The following PRKD1 variants were observed in gnomAD, a reference collection of about 807,000 sequenced individuals.
The protein encoded by PRKD1 is serine/threonine-protein kinase D1.
Under a neutral mutation model 95.9 loss-of-function variants are expected in PRKD1, and 63 were observed. The ratio of observed to expected loss-of-function variants is 0.66; its 90% confidence interval spans 0.54 to 0.81. The LOEUF (loss-of-function observed/expected upper bound fraction) is 0.81. Among genes scored for constraint, PRKD1 ranks in the 30% least tolerant of loss-of-function variants. The probability of loss-of-function intolerance (pLI) is 0.00; values close to 1 mark genes in which losing one functional copy is unlikely to be tolerated. For synonymous variants in PRKD1, 425 were observed against 423.1 expected (o/e 1.00, Z -0.05); for missense variants, 1,048 against 1,165.3 (o/e 0.90, Z 1.47).
rs184306105 is a variant in PRKD1, at chr14:29,777,798, T to C, written c.265-52124A>G. Reference sequence around the variant, plus strand: ...TCAGCTCTGCACCAAGCAGACATAATAGACATCTACAGAACTCTCCACCCC... The same window carrying C: ...TCAGCTCTGCACCAAGCAGACATAACAGACATCTACAGAACTCTCCACCCC... On this transcript the variant is annotated intron_variant, in intron 1 of 17. Transcript: ENST00000331968. Among the ~76,000 whole-genome samples, 34 of 152,226 alleles carry C rather than the reference T, an allele frequency of 2.2e-4. No individual in the cohort carries two copies. The East Asian group carries it at 6.0e-3, about 27-fold the overall frequency.
In PRKD1 at chr14:29,630,888, T is replaced by C. The variant is rs1344627350; in HGVS notation, c.1526A>G (p.Asn509Ser). 1.9e-6 allele frequency: 3 copies of C among 1,614,108 alleles called. No homozygotes were observed. Among genetic ancestry groups the C allele is most frequent in the South Asian group, 2.2e-5 (2 of 91,074 alleles). ...GTTATTTGGTGATGGGCTGGAAGGATTGACCACATTTTCTCCCACATAATA... is the reference window on the plus strand; with the variant it reads ...GTTATTTGGTGATGGGCTGGAAGGACTGACCACATTTTCTCCCACATAATA... The part of the protein sequence containing the change: ...VVYYVGENVV[N>S]PSSPSPNNSV... Residue 509 changes from asparagine (N) to serine (S), a missense_variant, in exon 10 of 18, where the codon AAT becomes AGT. Asn to Ser is a conservative substitution (Grantham distance 46). Coordinates refer to ENST00000331968, the MANE Select transcript of PRKD1 (RefSeq NM_002742.3).
intron 16 of PRKD1, among the ~76,000 whole-genome samples, chr14:29,587,156 A>G (rs1008701613): frequency 6.6e-6 from 1 of 152,178 alleles, no homozygotes; most frequent in African/African-American, 2.4e-5. Flanking sequence ...ATCAGTGTGT[A>G]TAAATACATG....
At chr14:29,596,476 T>C (rs1893308944) in intron 16 of PRKD1, among the ~76,000 whole-genome samples, 1 of 152,144 alleles carries the variant, frequency 6.6e-6, no homozygotes, top group South Asian at 2.1e-4. Context: ...TTTTTTGAGA[T>C]GGAGTCTTAC....
At chr14:29,793,974 T>A (rs1320144586) in intron 1 of PRKD1, among the ~76,000 whole-genome samples, 1 of 152,060 alleles carries the variant, frequency 6.6e-6, no homozygotes, top group Non-Finnish European at 1.5e-5. Flanking sequence ...CACAAGCAGA[T>A]CTTTACTGTG....
chr14:29,822,223 A>G (rs1408581769), intron 1 of PRKD1, among the ~76,000 whole-genome samples: 3 of 152,180 alleles, frequency 2.0e-5, no homozygotes, highest in Non-Finnish European at 4.4e-5. Flanking sequence ...TTCATTACAC[A>G]TGAGCTATAG....
chr14:29,863,152 T>C (rs1374781345), intron 1 of PRKD1, among the ~76,000 whole-genome samples: 2 of 152,198 alleles, frequency 1.3e-5, no homozygotes, highest in Non-Finnish European at 1.5e-5. Flanking sequence ...TAAGTAAAAC[T>C]GGCAGAAAAG....
chr14:29,875,768 T>C (rs1893265556), intron 1 of PRKD1, among the ~76,000 whole-genome samples: 1 of 152,230 alleles, frequency 6.6e-6, no homozygotes, highest in Non-Finnish European at 1.5e-5. Flanking sequence ...TTTCTTTGCT[T>C]ATCTGTAAAA....
intron 1 of PRKD1, among the ~76,000 whole-genome samples, chr14:29,788,373 A>C (rs1028623268): frequency 4.6e-5 from 7 of 152,238 alleles, no homozygotes; most frequent in South Asian, 4.1e-4. Flanking sequence ...CTTTTGACCG[A>C]TTAACTATAA....
chr14:29,854,063 A>T (rs1396577754), intron 1 of PRKD1, among the ~76,000 whole-genome samples: 2 of 152,252 alleles, frequency 1.3e-5, no homozygotes, highest in South Asian at 4.1e-4. Flanking sequence ...AGACTAATAC[A>T]GTAAATTGGT....
chr14:29,914,833 C>T (rs1219729279), intron 1 of PRKD1, among the ~76,000 whole-genome samples: 1 of 151,028 alleles, frequency 6.6e-6, no homozygotes, highest in Non-Finnish European at 1.5e-5. Context: ...AGTGCAGTGG[C>T]GTGATCTCGG....
chr14:29,723,672 T>C (rs10138045), intron 2 of PRKD1, among the ~76,000 whole-genome samples: 1,403 of 100,640 alleles, frequency 0.014, 22 homozygotes, highest in African/African-American at 0.041. Flanking sequence ...TGAGTGTGCG[T>C]GTGTGTGTGT....
intron 1 of PRKD1, among the ~76,000 whole-genome samples, chr14:29,739,858 T>C (rs926602193): frequency 6.6e-6 from 1 of 152,218 alleles, no homozygotes; most frequent in African/African-American, 2.4e-5. Flanking sequence ...GAATAACATG[T>C]CATCTATTAA....
chr14:29,672,285 G>C (rs1882896718), intron 2 of PRKD1, among the ~76,000 whole-genome samples: 3 of 151,826 alleles, frequency 2.0e-5, no homozygotes, highest in Admixed American at 1.3e-4. Context: ...AGCTTGCAGT[G>C]AGCCGAGATC....
At chr14:29,770,867 T>TGAGCCCAG (rs1285422613) in intron 1 of PRKD1, among the ~76,000 whole-genome samples, 11 of 137,304 alleles carry the variant, frequency 8.0e-5, no homozygotes, top group Non-Finnish European at 1.7e-4. Flanking sequence ...GAAGATCACT[T>TGAGCCCAG]GAGCCCAGGA....
At chr14:29,780,509 A>T (rs1016299192) in intron 1 of PRKD1, among the ~76,000 whole-genome samples, 2 of 152,250 alleles carry the variant, frequency 1.3e-5, no homozygotes, top group African/African-American at 2.4e-5. Context: ...AAAAGAAGAC[A>T]TTTATGCAGC....
chr14:29,804,080 A>G (rs1024885987), intron 1 of PRKD1, among the ~76,000 whole-genome samples: 21 of 152,048 alleles, frequency 1.4e-4, no homozygotes, highest in Non-Finnish European at 2.2e-4. Context: ...CATCTCTACT[A>G]AAAATACAAA....
rs1892559171 is a variant in PRKD1, at chr14:29,576,491, TA to T, written c.*746del. ...AGGTGGACACATATTTTGACAAGAA[TA>T]TTTTTTATTATTGAAAAATACACAA... On this transcript the variant is annotated 3_prime_UTR_variant, in exon 18 of 18. Coordinates refer to ENST00000331968, the MANE Select transcript of PRKD1 (RefSeq NM_002742.3). 1 of 152,616 alleles carries T rather than the reference TA, an allele frequency of 6.6e-6. No homozygotes were observed. The highest frequency in any genetic ancestry group is 6.6e-5 in the Admixed American group (1 of 15,262). 9.5% of individuals were successfully genotyped at this position (152,616 alleles called of 1,614,324 possible). A position where few individuals can be genotyped will look rare whatever the true frequency, so the allele number is the denominator to read the frequency against.
At chr14:29,652,896 TTTGC>T (rs1310897441) in intron 4 of PRKD1, 2 of 152,222 alleles carry the variant, frequency 1.3e-5, no homozygotes, top group Non-Finnish European at 2.9e-5. Context: ...TTGTCCATTA[TTTGC>T]TTATTTGAAA....
At chr14:29,879,544 C>T (rs1359031776) in intron 1 of PRKD1, among the ~76,000 whole-genome samples, 1 of 152,076 alleles carries the variant, frequency 6.6e-6, no homozygotes, top group Non-Finnish European at 1.5e-5. Context: ...TTATCAGCAG[C>T]ATGAAAACAG....
Sources: gnomAD v4.1 joint callset for allele counts (sites outside exome capture counted in the v4.1 genomes callset) on GRCh38, gnomAD v4.1.1 for gene constraint, MANE v1.5 for transcripts, NCBI Gene and HGNC (gene_info 2026-07-23, HGNC 2026-07-21) for gene names.